Variants in ZNF185 observed in about 807,000 individuals in gnomAD.
The protein encoded by ZNF185 is zinc finger protein 185 with LIM domain, also known as zinc finger protein 185.
Under a neutral mutation model 58.6 loss-of-function variants are expected in ZNF185, and 56 were observed. The observed-to-expected ratio is 0.95, with a 90% CI of 0.77 to 1.19. The LOEUF is 1.19. ZNF185 is among the 50% of genes most tolerant of loss of function. The probability of loss-of-function intolerance (pLI) is 0.00; values close to 1 mark genes in which losing one functional copy is unlikely to be tolerated. For missense variants in ZNF185, 627 were observed against 573.5 expected, an observed-to-expected ratio of 1.09 and a Z score of -0.95; for synonymous variants, 230 against 215.9, an observed-to-expected ratio of 1.07 and a Z score of -0.57.
In ZNF185 at chrX:152,945,189, C is replaced by T. The variant is rs782134800; in HGVS notation, c.1212-78C>T. 101 of 1,071,077 alleles carry T rather than the reference C, an allele frequency of 9.4e-5. 1 individual carries two copies. The African/African-American group carries it at 1.4e-3, about 15-fold the overall frequency. 88.3% of individuals were successfully genotyped at this position (1,071,077 alleles called of 1,213,427 possible). A position where few individuals can be genotyped will look rare whatever the true frequency, so the allele number is the denominator to read the frequency against. On this transcript the variant is annotated intron_variant, in intron 15 of 22. Coordinates refer to ENST00000449285, the Ensembl canonical transcript of ZNF185. ...GTCCCTCCAAGTCCACAGGAGGTGA[C>T]AGCCAGCTTGCGTCCTGGGGCTGAG...
intron 16 of ZNF185, among the ~76,000 whole-genome samples, chrX:152,956,466 C>T (rs782212316): frequency 8.1e-5 from 9 of 111,636 alleles, no homozygotes; most frequent in East Asian, 2.8e-4. Context: ...TGGCCAAGCG[C>T]GGTGGCTTAC....
intron 19 of ZNF185, among the ~76,000 whole-genome samples, chrX:152,965,776 G>A (rs2071251): frequency 0.24 from 26,253 of 108,617 alleles, 2,374 homozygotes; most frequent in South Asian, 0.41. Flanking sequence ...TGTTCTGCTT[G>A]TCTTTGTTAT....
upstream of ZNF185, among the ~76,000 whole-genome samples, chrX:152,912,406 T>G (rs782039947): frequency 2.2e-4 from 25 of 112,290 alleles, no homozygotes; most frequent in East Asian, 5.9e-3. Context: ...GTGTCTGTCT[T>G]GACTTTGGAA....
intron 5 of ZNF185, 75 bp downstream of exon 6, chrX:152,917,437 G>A: frequency 9.1e-7 from 1 of 1,093,121 alleles, no homozygotes; most frequent in Non-Finnish European, 1.3e-6. Context: ...GGCAGAGACA[G>A]TGCTCTGCCT....
upstream of ZNF185, among the ~76,000 whole-genome samples, chrX:152,911,861 TCCATCCCATCCATC>T (rs1455915013): frequency 1.7e-5 from 1 of 60,471 alleles, no homozygotes; most frequent in Non-Finnish European, 3.0e-5. Flanking sequence ...ATTCCATCCA[TCCATCCCATCCATC>T]CCATCCCATC....
chrX:152,944,854 C>T (rs190492790), intron 15 of ZNF185, among the ~76,000 whole-genome samples: 5 of 111,177 alleles, frequency 4.5e-5, no homozygotes, highest in African/African-American at 9.8e-5. Context: ...ATTAGCTGGG[C>T]GTGGTAGTGT....
chrX:152,956,738 T>TCAAAA (rs782740153), intron 16 of ZNF185, among the ~76,000 whole-genome samples: 3 of 111,648 alleles, frequency 2.7e-5, no homozygotes, highest in Admixed American at 9.4e-5. Flanking sequence ...AAACTCAGTC[T>TCAAAA]CAAAACAAAA....
At chrX:152,934,584 A>G (rs781800736) in intron 14 of ZNF185, among the ~76,000 whole-genome samples, 2 of 111,994 alleles carry the variant, frequency 1.8e-5, no homozygotes, top group Admixed American at 1.9e-4. Context: ...AAATCCATGC[A>G]TGTTGAAGTC....
At chrX:152,954,982 A>C (rs2048679784) in intron 16 of ZNF185, among the ~76,000 whole-genome samples, 1 of 111,377 alleles carries the variant, frequency 9.0e-6, no homozygotes, top group African/African-American at 3.3e-5. Flanking sequence ...GGGGGAAATG[A>C]CGTACAGAAA....
At chrX:152,920,393 C>T (rs35651423) in exon 8 of ZNF185, 4 of 1,210,897 alleles carry the variant, frequency 3.3e-6, no homozygotes, top group East Asian at 3.0e-5. Flanking sequence ...GTCCTGTCAG[C>T]GGCCAAGAAG....
chrX:152,924,576 G>A (rs2125394028), intron 11 of ZNF185, among the ~76,000 whole-genome samples: 1 of 112,206 alleles, frequency 8.9e-6, no homozygotes, highest in Admixed American at 9.4e-5. Flanking sequence ...TGAATTTTGG[G>A]TGGCACAAGT....
intron 11 of ZNF185, 64 bp downstream of exon 12, chrX:152,922,873 G>A (rs1940052720): frequency 9.5e-7 from 1 of 1,055,564 alleles, no homozygotes; most frequent in Non-Finnish European, 1.3e-6. Flanking sequence ...AGCCTGGCTG[G>A]CTGGTTCTGC....
At chrX:152,911,175 G>C (rs5925249), upstream of ZNF185, among the ~76,000 whole-genome samples, 23,489 of 111,159 alleles carry the variant, frequency 0.21, 1,793 homozygotes, top group South Asian at 0.31. Context: ...TGGCCTCGAC[G>C]TGCCGGGCCC....
At chrX:152,941,598 C>T in intron 15 of ZNF185, 1 of 1,095,321 alleles carries the variant, frequency 9.1e-7, no homozygotes, top group Non-Finnish European at 1.2e-6. Flanking sequence ...CGCCTGTGCA[C>T]CTCGGCGAGC....
chrX:152,910,365 G>A (rs1936994273), upstream of ZNF185, among the ~76,000 whole-genome samples: 1 of 112,428 alleles, frequency 8.9e-6, no homozygotes, highest in Non-Finnish European at 1.9e-5. Flanking sequence ...ATATTTTGGT[G>A]TATATCTTTA....
chrX:152,915,924 G>A (rs1156942761), intron 3 of ZNF185, among the ~76,000 whole-genome samples: 1 of 111,787 alleles, frequency 8.9e-6, no homozygotes, highest in Non-Finnish European at 1.9e-5. Flanking sequence ...CTGGAAGGGA[G>A]GGCCTCAAGT....
rs145729588 is a variant in ZNF185 at position 152,954,529 on chromosome X, A to G, written c.1410-5170A>G. Among the ~76,000 whole-genome samples the G allele has an allele frequency of 1.1e-3, 128 of 112,528 alleles. 1 individual carries two copies. The highest frequency in any genetic ancestry group is 3.9e-3 in the African/African-American group (122 of 30,980). The stretch of plus-strand genomic sequence containing the variant: ...ACTGGTAGGAGCAGCAGGCTCACCT[A>G]TATGTAGTTCCGTGAGGTAGCCTTA... On this transcript the variant is annotated intron_variant, in intron 16 of 22. Transcript: ENST00000449285.
At chrX:152,937,424 A>T (rs1007740910) in intron 14 of ZNF185, among the ~76,000 whole-genome samples, 10 of 111,261 alleles carry the variant, frequency 9.0e-5, no homozygotes, top group Middle Eastern at 4.7e-3. Context: ...CAGCAGCTTA[A>T]TTCTTTCTCT....
At position 152,914,528 on chromosome X, in the gene ZNF185, G is replaced by A. The variant is rs1439420292; in HGVS notation, c.34+5G>A. 7 of 1,174,218 alleles carry A rather than the reference G, an allele frequency of 6.0e-6. No individual in the cohort carries two copies. The highest frequency in any genetic ancestry group is 2.3e-4 in the Middle Eastern group (1 of 4,274). On this transcript the variant is annotated splice_donor_5th_base_variant and intron_variant, in intron 1 of 22. Transcript: ENST00000449285. ...CTCTTGGAGGCCGCACCAAAGGTGA[G>A]GCCTGGGCTCCCTGGTTTCCCAGGC...
Sources: allele counts gnomAD v4.1 joint callset (sites outside exome capture counted in the v4.1 genomes callset), GRCh38; gene constraint gnomAD v4.1.1; transcripts MANE v1.5; gene names NCBI Gene and HGNC (gene_info 2026-07-23, HGNC 2026-07-21).